The following ACBD6 variants were observed in gnomAD, a reference collection of about 807,000 sequenced individuals.
ACBD6 encodes acyl-CoA binding domain containing 6.
ACBD6 carries 28 observed loss-of-function variants against 37.2 expected under a neutral mutation model. The ratio of observed to expected loss-of-function variants is 0.75; its 90% confidence interval spans 0.56 to 1.03. The LOEUF is 1.03. Ranked by LOEUF, ACBD6 falls within the 50% of genes least tolerant of loss-of-function variation. The probability of loss-of-function intolerance (pLI) is 0.00; values close to 1 mark genes in which losing one functional copy is unlikely to be tolerated. For missense variants in ACBD6, 340 were observed against 337.4 expected (o/e 1.01, Z -0.06); for synonymous variants, 113 against 126.8 (o/e 0.89, Z 0.73).
At chr1:180,298,436 G>A (rs1263155985) in intron 7 of ACBD6, among the ~76,000 whole-genome samples, 1 of 152,184 alleles carries the variant, frequency 6.6e-6, no homozygotes, top group African/African-American at 2.4e-5. Context: ...AAGTAGATGT[G>A]TGCTATGGCT....
chr1:180,320,050 C>T (rs1282740979), intron 6 of ACBD6, among the ~76,000 whole-genome samples: 2 of 152,130 alleles, frequency 1.3e-5, no homozygotes, highest in African/African-American at 2.4e-5. Context: ...CCTATGATAG[C>T]TCTATTTTTA....
intron 7 of ACBD6, among the ~76,000 whole-genome samples, chr1:180,298,540 A>G (rs1650006737): frequency 6.6e-6 from 1 of 152,150 alleles, no homozygotes; most frequent in South Asian, 2.1e-4. Context: ...GATATGATAT[A>G]ATCTATGGGC....
exon 14 of ACBD6, chr1:180,271,776 G>C: frequency 6.3e-7 from 1 of 1,593,698 alleles, no homozygotes; most frequent in Non-Finnish European, 8.6e-7. Flanking sequence ...AGGGGGTCCT[G>C]GGGGCTTTGG....
intron 6 of ACBD6, among the ~76,000 whole-genome samples, chr1:180,370,181 A>G (rs2101914053): frequency 6.6e-6 from 1 of 152,330 alleles, no homozygotes; most frequent in South Asian, 2.1e-4. Flanking sequence ...AAATTACAAG[A>G]CAGATTAAAC....
At chr1:180,417,014 G>A (rs1011972992) in intron 4 of ACBD6, among the ~76,000 whole-genome samples, 1 of 152,080 alleles carries the variant, frequency 6.6e-6, no homozygotes, top group African/African-American at 2.4e-5. Context: ...CTAGTAAATA[G>A]ACAATGAATA....
chr1:180,283,725 T>C (rs1649383053), downstream of ACBD6, among the ~76,000 whole-genome samples: 1 of 152,178 alleles, frequency 6.6e-6, no homozygotes, highest in African/African-American at 2.4e-5. Context: ...AAGAAAATTT[T>C]GAAGAATTCA....
chr1:180,472,663 G>C (rs1650613866), intron 3 of ACBD6, among the ~76,000 whole-genome samples: 1 of 152,144 alleles, frequency 6.6e-6, no homozygotes, highest in African/African-American at 2.4e-5. Flanking sequence ...CAGCAGGAAT[G>C]CTAAAGAAAA....
At chr1:180,473,307 C>T (rs984874758) in intron 3 of ACBD6, among the ~76,000 whole-genome samples, 2 of 151,446 alleles carry the variant, frequency 1.3e-5, no homozygotes, top group Admixed American at 6.6e-5. Flanking sequence ...ATTAGCCGGG[C>T]GTAGTGGCGG....
intron 6 of ACBD6, among the ~76,000 whole-genome samples, chr1:180,345,856 G>A (rs913718028): frequency 4.6e-5 from 7 of 151,838 alleles, no homozygotes; most frequent in Admixed American, 1.3e-4. Flanking sequence ...TAACTTTTCC[G>A]TATATTCTGA....
At chr1:180,475,905 T>C (rs1162436672) in intron 3 of ACBD6, among the ~76,000 whole-genome samples, 1 of 152,212 alleles carries the variant, frequency 6.6e-6, no homozygotes, top group African/African-American at 2.4e-5. Flanking sequence ...ACTTTTCATT[T>C]TCCCTTTTAC....
chr1:180,464,955 G>A (rs776328329), intron 3 of ACBD6, among the ~76,000 whole-genome samples: 2 of 152,156 alleles, frequency 1.3e-5, no homozygotes, highest in Admixed American at 6.5e-5. Context: ...TCAATAAATG[G>A]TGCTGGGATA....
intron 3 of ACBD6, among the ~76,000 whole-genome samples, chr1:180,482,455 G>C (rs1254164930): frequency 6.6e-6 from 1 of 151,502 alleles, no homozygotes; most frequent in African/African-American, 2.4e-5. Context: ...GAAGAGAAAT[G>C]AAGTTAATAA....
At chr1:180,346,180 G>C (rs1375418383) in intron 6 of ACBD6, among the ~76,000 whole-genome samples, 1 of 152,164 alleles carries the variant, frequency 6.6e-6, no homozygotes, top group African/African-American at 2.4e-5. Flanking sequence ...CCCGTACCAA[G>C]GACCAAGTAG....
chr1:180,284,679 G>A (rs1235354579), downstream of ACBD6, among the ~76,000 whole-genome samples: 1 of 151,970 alleles, frequency 6.6e-6, no homozygotes, highest in Non-Finnish European at 1.5e-5. Flanking sequence ...CGATATTAAG[G>A]TCTTTATGGT....
At chr1:180,335,601 A>T (rs528605973) in intron 6 of ACBD6, among the ~76,000 whole-genome samples, 2 of 152,158 alleles carry the variant, frequency 1.3e-5, no homozygotes, top group South Asian at 2.1e-4. Flanking sequence ...AAACTGCATC[A>T]ACTAACGAGC....
intron 5 of ACBD6, among the ~76,000 whole-genome samples, chr1:180,411,194 T>A (rs1250440707): frequency 1.3e-5 from 2 of 152,180 alleles, no homozygotes; most frequent in Non-Finnish European, 2.9e-5. Context: ...AACAAAGTGG[T>A]TTCTTAAGAC....
chr1:180,342,915 T>A (rs1385988775), intron 6 of ACBD6, among the ~76,000 whole-genome samples: 2 of 150,870 alleles, frequency 1.3e-5, no homozygotes, highest in African/African-American at 2.5e-5. Flanking sequence ...ATTGATTGAA[T>A]TTTTTTTGTT....
chr1:180,465,328 C>T (rs1413915009), intron 3 of ACBD6, among the ~76,000 whole-genome samples: 1 of 151,802 alleles, frequency 6.6e-6, no homozygotes, highest in East Asian at 1.9e-4. Context: ...AGCGAAAAAC[C>T]ACCCCATTAA....
exon 14 of ACBD6, chr1:180,271,291 G>A: frequency 6.9e-7 from 1 of 1,455,798 alleles, no homozygotes; most frequent in South Asian, 1.1e-5. Context: ...GGCAGGCTTA[G>A]GTGCAGAAAG....
Sources: allele counts gnomAD v4.1 joint callset (sites outside exome capture counted in the v4.1 genomes callset), GRCh38; gene constraint gnomAD v4.1.1; transcripts MANE v1.5; gene names NCBI Gene and HGNC (gene_info 2026-07-23, HGNC 2026-07-21).